The following TCF7L2 variants were observed in gnomAD, a reference collection of about 807,000 sequenced individuals.
TCF7L2 encodes transcription factor 7 like 2, also known as transcription factor 7-like 2.
A neutral mutation model predicts 77.9 loss-of-function variants in TCF7L2; 23 were observed. That is an observed-to-expected ratio of 0.30 (90% confidence interval 0.21 to 0.42). The LOEUF (loss-of-function observed/expected upper bound fraction) is 0.42. TCF7L2 is among the 10% of genes least tolerant of loss of function. The pLI is 1.00. For missense variants in TCF7L2, 654 were observed against 793.1 expected, an observed-to-expected ratio of 0.82 and a Z score of 2.11; for synonymous variants, 413 against 340.2, an observed-to-expected ratio of 1.21 and a Z score of -2.36.
At position 113,151,319 on chromosome 10, in the gene TCF7L2, G is replaced by A. The variant is rs1042397527; in HGVS notation, c.1001+196G>A. Among the ~76,000 whole-genome samples, 2 of 152,064 alleles carry A rather than the reference G, an allele frequency of 1.3e-5. No individual in the cohort carries two copies. The highest frequency in any genetic ancestry group is 2.1e-4 in the South Asian group (1 of 4,832). ...AGTGGCAGAATCTCACTGTACCACC[G>A]TGGGTTAGAACAGAACTGTTTTTTG... On this transcript the variant is annotated intron_variant, in intron 9 of 13. Transcript: ENST00000627217. This position sits in a 1 kb window ranked among gnomAD's most constrained non-coding sequence, Gnocchi z 5.2.
At chr10:113,024,913 A>G (rs556229925) in intron 4 of TCF7L2, among the ~76,000 whole-genome samples, 6 of 152,194 alleles carry the variant, frequency 3.9e-5, no homozygotes, top group Admixed American at 6.5e-5. Context: ...GCCACTGTGC[A>G]TGGCCTTATA....
intron 5 of TCF7L2, among the ~76,000 whole-genome samples, chr10:113,139,048 C>A (rs1220021778): frequency 6.6e-6 from 1 of 152,188 alleles, no homozygotes; most frequent in African/African-American, 2.4e-5. Context: ...TCCTTCCACC[C>A]CTTAGTAATC....
At chr10:113,144,074 G>T (rs779944240) in intron 7 of TCF7L2, 49 bp downstream of exon 7, 34 of 1,427,350 alleles carry the variant, frequency 2.4e-5, no homozygotes, top group Non-Finnish European at 2.7e-5. Flanking sequence ...ACATGGGCAT[G>T]TTTATTATTT....
At chr10:113,003,551 T>C (rs1228192029) in intron 4 of TCF7L2, among the ~76,000 whole-genome samples, 2 of 152,184 alleles carry the variant, frequency 1.3e-5, no homozygotes, top group Non-Finnish European at 2.9e-5. Flanking sequence ...CATGTTATCT[T>C]TGCTTCTTGT....
chr10:113,110,663 G>C (rs111537825), intron 5 of TCF7L2, among the ~76,000 whole-genome samples: 11,799 of 152,156 alleles, frequency 0.078, 1,474 homozygotes, highest in African/African-American at 0.26. Flanking sequence ...GTTGGAAAAG[G>C]AGCTAAAAAT....
chr10:113,055,567 A>G (rs928438331), intron 5 of TCF7L2, among the ~76,000 whole-genome samples: 1 of 152,036 alleles, frequency 6.6e-6, no homozygotes, highest in Non-Finnish European at 1.5e-5. Context: ...ATGGGTTTTC[A>G]TTTTTACCTT....
intron 5 of TCF7L2, among the ~76,000 whole-genome samples, chr10:113,049,666 TAGAC>T (rs928630852): frequency 2.6e-5 from 4 of 152,156 alleles, no homozygotes; most frequent in Admixed American, 2.6e-4. Context: ...TTGAAAGCCT[TAGAC>T]AGATCATATC....
intron 5 of TCF7L2, among the ~76,000 whole-genome samples, chr10:113,128,120 GC>G (rs2065962585): frequency 6.6e-6 from 1 of 151,972 alleles, no homozygotes; most frequent in African/African-American, 2.4e-5. Flanking sequence ...TGTGGTTGGG[GC>G]TTTTTACTTG....
intron 5 of TCF7L2, among the ~76,000 whole-genome samples, chr10:113,114,937 A>G (rs1205263920): frequency 6.6e-6 from 1 of 152,268 alleles, no homozygotes; most frequent in Non-Finnish European, 1.5e-5. Flanking sequence ...ACCGTCCAGT[A>G]AATCTTAATT....
chr10:113,038,547 G>A (rs149729674), intron 4 of TCF7L2, among the ~76,000 whole-genome samples: 1 of 152,298 alleles, frequency 6.6e-6, no homozygotes, highest in African/African-American at 2.4e-5. Context: ...CTGGCTTGTG[G>A]ATGGCTTTGG....
chr10:113,076,362 T>A (rs2058702386), intron 5 of TCF7L2, among the ~76,000 whole-genome samples: 1 of 152,150 alleles, frequency 6.6e-6, no homozygotes, highest in South Asian at 2.1e-4. Flanking sequence ...GGTTTCGAAC[T>A]CCTGGCCTCA....
At chr10:113,103,203 C>A (rs562957579) in intron 5 of TCF7L2, among the ~76,000 whole-genome samples, 1 of 152,288 alleles carries the variant, frequency 6.6e-6, no homozygotes, top group East Asian at 1.9e-4. Flanking sequence ...CCATCAATGA[C>A]AACCTTCTGT....
intron 4 of TCF7L2, among the ~76,000 whole-genome samples, chr10:112,996,469 C>G (rs769978010): frequency 1.3e-5 from 2 of 152,142 alleles, no homozygotes; most frequent in African/African-American, 2.4e-5. Flanking sequence ...TGGAGGGAAA[C>G]CCCAGGATCC....
chr10:112,971,656 A>C (rs1294943020), intron 4 of TCF7L2, among the ~76,000 whole-genome samples: 1 of 146,084 alleles, frequency 6.8e-6, no homozygotes, highest in East Asian at 2.0e-4. Context: ...TCTGTCACCC[A>C]GTCTGGAATG....
At chr10:113,000,039 C>G (rs938146941) in intron 4 of TCF7L2, among the ~76,000 whole-genome samples, 16 of 152,210 alleles carry the variant, frequency 1.1e-4, no homozygotes, top group African/African-American at 3.1e-4. Context: ...GGGACACTGT[C>G]TAAGCAGTTG....
chr10:113,131,188 G>A (rs959788857), intron 5 of TCF7L2, among the ~76,000 whole-genome samples: 106 of 152,298 alleles, frequency 7.0e-4, no homozygotes, highest in African/African-American at 2.4e-3. Flanking sequence ...TGCAGTGGTC[G>A]ATAAGCTCTT....
chr10:113,086,381 A>T (rs2059835391), intron 5 of TCF7L2, among the ~76,000 whole-genome samples: 1 of 152,164 alleles, frequency 6.6e-6, no homozygotes, highest in East Asian at 1.9e-4. Flanking sequence ...TATTAGAACC[A>T]TCTCCTTCCA....
chr10:112,985,224 A>G (rs1329125479), intron 4 of TCF7L2, among the ~76,000 whole-genome samples: 1 of 152,110 alleles, frequency 6.6e-6, no homozygotes, highest in African/African-American at 2.4e-5. Flanking sequence ...GCAAGTGGCT[A>G]CTTTGTGGTT....
chr10:113,034,364 G>A (rs2134138491), intron 4 of TCF7L2, among the ~76,000 whole-genome samples: 1 of 152,234 alleles, frequency 6.6e-6, no homozygotes, highest in African/African-American at 2.4e-5. Context: ...TATTTGTAGG[G>A]GGTCAGTATG....
Sources: gnomAD v4.1 joint callset for allele counts (sites outside exome capture counted in the v4.1 genomes callset) on GRCh38, gnomAD v4.1.1 for gene constraint, Gnocchi (gnomAD v3.1) non-coding constraint, MANE v1.5 for transcripts, NCBI Gene and HGNC (gene_info 2026-07-23, HGNC 2026-07-21) for gene names.